ABCA12: variants seen among roughly 807,000 people sequenced by gnomAD.
The protein encoded by ABCA12 is ATP binding cassette subfamily A member 12, also known as glucosylceramide transporter ABCA12.
ABCA12 carries 156 observed loss-of-function variants against 293.5 expected under a neutral mutation model. The ratio of observed to expected loss-of-function variants is 0.53; its 90% CI spans 0.47 to 0.61. The LOEUF (loss-of-function observed/expected upper bound fraction) is 0.61, where lower values mean the gene tolerates loss of function less well. ABCA12 is among the 20% of genes least tolerant of loss of function. ABCA12 has a pLI of 0.00. For missense variants in ABCA12, 2,797 were observed against 3,090.2 expected (o/e 0.91, Z 2.25); for synonymous variants, 1,063 against 1,108.0 (o/e 0.96, Z 0.81).
In ABCA12 at chr2:215,025,684, G is replaced by A. The variant is rs1559153620; in HGVS notation, c.1276C>T (p.Leu426=). The stretch of plus-strand genomic sequence containing the variant: ...CTTTCATGGCTTACTTTTGATTTTA[G>A]GACTTCAGGAACTGGAGGAAAGTAA... ...EDYFPPVPEV[L]KSKLSQLRNL... The change falls in exon 11 of 53, where the codon CTA becomes TTA. Residue 426 remains leucine, a synonymous_variant. Coordinates refer to ENST00000272895, the MANE Select transcript of ABCA12 (RefSeq NM_173076.3). 2 of 1,582,586 alleles carry A rather than the reference G, an allele frequency of 1.3e-6. No homozygotes were observed. The highest frequency in any genetic ancestry group is 1.7e-5 in the Admixed American group (1 of 58,026).
chr2:214,982,145 G>A (rs1209503644), intron 30 of ABCA12, 42 bp downstream of exon 30: 23 of 1,602,878 alleles, frequency 1.4e-5, no homozygotes, highest in Non-Finnish European at 2.0e-5. Context: ...GAGGGCAGAA[G>A]TATGACTGTT....
chr2:214,957,960 G>T (rs1699002165), intron 41 of ABCA12, among the ~76,000 whole-genome samples: 1 of 152,000 alleles, frequency 6.6e-6, no homozygotes. Flanking sequence ...GAATCACCTG[G>T]GGGATCTTTT....
intron 2 of ABCA12, among the ~76,000 whole-genome samples, chr2:215,094,831 C>A (rs4564768): frequency 6.6e-6 from 1 of 152,146 alleles, no homozygotes; most frequent in Admixed American, 6.5e-5. Flanking sequence ...CTGCTGCCCT[C>A]GCTAAATCCC....
At chr2:214,981,941 T>TA (rs1574960091) in intron 30 of ABCA12, among the ~76,000 whole-genome samples, 1 of 127,266 alleles carries the variant, frequency 7.9e-6, no homozygotes, top group Non-Finnish European at 1.6e-5. Context: ...AGTCAGCTGT[T>TA]TTTATTATTA....
intron 17 of ABCA12, among the ~76,000 whole-genome samples, 197 bp downstream of exon 17, chr2:215,011,242 T>G (rs896047167): frequency 6.6e-6 from 1 of 152,200 alleles, no homozygotes; most frequent in Non-Finnish European, 1.5e-5. Flanking sequence ...TTACCCTCCT[T>G]GTACTCCACT....
intron 7 of ABCA12, among the ~76,000 whole-genome samples, chr2:215,040,906 T>C (rs987123971): frequency 6.6e-6 from 1 of 152,200 alleles, no homozygotes; most frequent in Non-Finnish European, 1.5e-5. Context: ...TGAATATATG[T>C]GCAGAATGTG....
intron 3 of ABCA12, among the ~76,000 whole-genome samples, chr2:215,056,374 G>A (rs1014646564): frequency 1.3e-5 from 2 of 152,058 alleles, no homozygotes; most frequent in South Asian, 2.1e-4. Context: ...CAAGCAGCTG[G>A]CTCTGCAGCT....
rs1462472088 is a variant in ABCA12, at chr2:214,949,131, C to T, written c.6871G>A (p.Val2291Met). 2.5e-6 allele frequency: 4 copies of T among 1,613,520 alleles called. No individual in the cohort carries two copies. In the African/African-American group the frequency reaches 5.3e-5, roughly 22 times the overall value. ...PAGECFGLLG[V>M]NGAGKTTIFK... Reference sequence around the variant, plus strand: ...ATAGTGGTCTTTCCTGCTCCATTCACTCCAAGAAGCCCAAAACACTGGTTT... The same window carrying T: ...ATAGTGGTCTTTCCTGCTCCATTCATTCCAAGAAGCCCAAAACACTGGTTT... The change falls in exon 46 of 53, where the codon GTG (valine) becomes ATG (methionine). Residue 2291 changes from valine (V) to methionine (M), a missense_variant. Coordinates refer to ENST00000272895, the MANE Select transcript of ABCA12 (RefSeq NM_173076.3).
intron 26 of ABCA12, among the ~76,000 whole-genome samples, chr2:214,988,757 T>G (rs1290567413): frequency 1.3e-5 from 2 of 152,206 alleles, no homozygotes; most frequent in African/African-American, 4.8e-5. Flanking sequence ...CACTCCATCT[T>G]TTAAAGGAAT....
chr2:215,134,589 C>CGGA, intron 1 of ABCA12, among the ~76,000 whole-genome samples: 2 of 94,772 alleles, frequency 2.1e-5, no homozygotes, highest in African/African-American at 1.5e-4. Flanking sequence ...CTCTCTCTCT[C>CGGA]TCTCTCTCTC....
chr2:215,065,561 G>A (rs1185507393), intron 2 of ABCA12, among the ~76,000 whole-genome samples: 1 of 151,910 alleles, frequency 6.6e-6, no homozygotes, highest in Non-Finnish European at 1.5e-5. Context: ...AGCAAAGAGG[G>A]AAAAAGAGAG....
chr2:215,033,890 G>A (rs745491043), intron 8 of ABCA12, among the ~76,000 whole-genome samples: 15 of 152,040 alleles, frequency 9.9e-5, no homozygotes, highest in Non-Finnish European at 1.3e-4. Context: ...GCAGTGAGCC[G>A]AGATCATGCC....
At chr2:214,967,379 G>A (rs1405110695) in intron 38 of ABCA12, among the ~76,000 whole-genome samples, 1 of 152,100 alleles carries the variant, frequency 6.6e-6, no homozygotes, top group Non-Finnish European at 1.5e-5. Context: ...CACGCATGGT[G>A]TCCTTAGCAC....
chr2:215,000,793 C>G lies in ABCA12; in HGVS notation c.3091G>C (p.Ala1031Pro). The change falls in exon 22 of 53, where the codon GCA becomes CCA. Residue 1031 changes from alanine to proline, a missense_variant. Physicochemically the swap from Ala to Pro is conservative, Grantham distance 27. This residue lies in a region of ABCA12 where 2,130 missense variants were observed against 2,427.0 expected (regional missense o/e 0.88). Coordinates refer to ENST00000272895, the MANE Select transcript of ABCA12 (RefSeq NM_173076.3). ...CTTCCAGTTTGCAATTCAATGATTG[C>G]TCTTTCAATACTATCCTGTAAATAA... is the stretch of plus-strand genomic sequence containing the variant. ...FIYLQDSIER[A>P]IIELQTGRNS... 6.2e-7 allele frequency: 1 copy of G among 1,614,112 alleles called. No homozygotes were observed. The highest frequency in any genetic ancestry group is 8.5e-7 in the Non-Finnish European group (1 of 1,179,988).
At chr2:215,002,524 G>T (rs976578541) in intron 20 of ABCA12, among the ~76,000 whole-genome samples, 16 of 152,156 alleles carry the variant, frequency 1.1e-4, no homozygotes, top group South Asian at 4.1e-4. Context: ...AGAAGGCTGC[G>T]AATATCATAA....
intron 22 of ABCA12, among the ~76,000 whole-genome samples, chr2:214,998,859 T>A (rs1001086944): frequency 2.6e-5 from 4 of 152,176 alleles, no homozygotes; most frequent in Admixed American, 6.5e-5. Flanking sequence ...TAGATGTCGA[T>A]GAGAGATTCT....
intron 2 of ABCA12, among the ~76,000 whole-genome samples, chr2:215,099,491 G>A (rs143742463): frequency 0.048 from 7,275 of 152,162 alleles, 546 homozygotes; most frequent in African/African-American, 0.16. Context: ...TCAAGAGATC[G>A]AGACCATCCA....
chr2:215,107,360 C>A (rs1702484103), intron 2 of ABCA12, among the ~76,000 whole-genome samples: 1 of 152,194 alleles, frequency 6.6e-6, no homozygotes, highest in Non-Finnish European at 1.5e-5. Context: ...TAACATTTGC[C>A]TCTTGACAAG....
intron 28 of ABCA12, among the ~76,000 whole-genome samples, chr2:214,985,939 G>A (rs1209258937): frequency 1.3e-5 from 2 of 152,150 alleles, no homozygotes; most frequent in Non-Finnish European, 1.5e-5. Context: ...TGCTACATAG[G>A]TGAGGAGTGA....
Sources: allele counts gnomAD v4.1 joint callset (sites outside exome capture counted in the v4.1 genomes callset), GRCh38; gene constraint gnomAD v4.1.1; regional missense constraint gnomAD v4.1.1; transcripts MANE v1.5; gene names NCBI Gene and HGNC (gene_info 2026-07-23, HGNC 2026-07-21).